TMBIM1: variants seen among roughly 807,000 people sequenced by gnomAD.
TMBIM1 encodes transmembrane BAX inhibitor motif containing 1.
TMBIM1 carries 34 observed loss-of-function variants against 45.1 expected under a neutral mutation model. The ratio of observed to expected loss-of-function variants is 0.75; its 90% CI spans 0.57 to 1.00. The LOEUF (loss-of-function observed/expected upper bound fraction) is 1.00. Among genes scored for constraint, TMBIM1 ranks in the 50% least tolerant of loss-of-function variants. The pLI is 0.00. For missense variants in TMBIM1, 374 were observed against 402.4 expected (o/e 0.93, Z 0.60); for synonymous variants, 157 against 153.5 (o/e 1.02, Z -0.17).
chr2:218,275,265 G>A lies in TMBIM1; in HGVS notation c.*210C>T. On this transcript the variant is annotated 3_prime_UTR_variant, in exon 12 of 12. Transcript: ENST00000258412. ...GCCTAGTCCCTGCCAAGCCCACCAAGAGCAACAGTTAGTCCCTAGCTCCTC... is the reference window on the plus strand; with the variant it reads ...GCCTAGTCCCTGCCAAGCCCACCAAAAGCAACAGTTAGTCCCTAGCTCCTC... 1.9e-6 allele frequency: 1 copy of A among 528,274 alleles called. No homozygotes were observed. Among genetic ancestry groups the A allele is most frequent in the Non-Finnish European group, 3.1e-6 (1 of 320,878 alleles). The allele number at this position is 528,274 out of a possible 1,614,324, so 32.7% of individuals were successfully genotyped here. A position where few individuals can be genotyped will look rare whatever the true frequency, so the allele number is the denominator to read the frequency against.
chr2:218,286,580 G>A (rs1337903378), intron 1 of TMBIM1: 2 of 152,212 alleles, frequency 1.3e-5, no homozygotes, highest in Non-Finnish European at 1.5e-5. Flanking sequence ...CAGACAGCAG[G>A]ACTTGCTGGG....
chr2:218,288,301 C>T (rs758512548), intron 1 of TMBIM1, among the ~76,000 whole-genome samples: 8 of 152,238 alleles, frequency 5.3e-5, no homozygotes, highest in Middle Eastern at 3.4e-3. Flanking sequence ...TGGTGGCGGA[C>T]GCCTGTAGTC....
In TMBIM1 at chr2:218,277,453, A is replaced by G. The variant is rs961378080; in HGVS notation, c.552T>C (p.Ser184=). 2.3e-5 allele frequency: 37 copies of G among 1,613,982 alleles called. No individual in the cohort carries two copies. The highest frequency in any genetic ancestry group is 3.1e-5 in the Non-Finnish European group (36 of 1,179,996). ...AMGFMTGTIS[S]MYQTKAVIIA... ...TGATGACGGCTTTGGTTTGGTACAT[A>G]CTGGGGAGAAGCAGGAGTTACAGAC... Residue 184 remains serine (S), a splice_region_variant and synonymous_variant, in exon 9 of 12, where the codon AGT becomes AGC. Coordinates refer to ENST00000258412, the MANE Select transcript of TMBIM1 (RefSeq NM_022152.6).
chr2:218,279,375 T>A (rs1394046909), intron 3 of TMBIM1, 22 bp from the exon 4 acceptor site: 2 of 1,539,126 alleles, frequency 1.3e-6, no homozygotes, highest in Admixed American at 2.1e-5. Flanking sequence ...CGGCCGGGCA[T>A]GGGTCACCAT....
chr2:218,281,231 T>C (rs910855855), intron 2 of TMBIM1, among the ~76,000 whole-genome samples: 8 of 140,032 alleles, frequency 5.7e-5, no homozygotes, highest in African/African-American at 2.1e-4. Flanking sequence ...CCTCCTGGGA[T>C]TGCAAGCGAT....
In TMBIM1 at chr2:218,282,201, A is replaced by G; in HGVS notation, c.-40-20T>C. On this transcript the variant is annotated intron_variant, in intron 1 of 11. Coordinates refer to ENST00000258412, the MANE Select transcript of TMBIM1 (RefSeq NM_022152.6). ...TGGGACCTGAAATGGGAGAGGAGAA[A>G]AGCAATCGTGAATGCCCAGGCCCAG... 1.5e-6 allele frequency: 2 copies of G among 1,340,008 alleles called. No individual in the cohort carries two copies. The highest frequency in any genetic ancestry group is 1.6e-5 in the South Asian group (1 of 61,606). 83.0% of individuals were successfully genotyped at this position (1,340,008 alleles called of 1,614,324 possible).
At chr2:218,277,876 C>T in intron 7 of TMBIM1, 59 bp downstream of exon 7, 1 of 1,610,126 alleles carries the variant, frequency 6.2e-7, no homozygotes, top group Non-Finnish European at 8.5e-7. Context: ...CCATCCCTTC[C>T]CTGGGAGCAG....
chr2:218,279,072 C>A lies in TMBIM1; in HGVS notation c.388G>T (p.Val130Leu), dbSNP rs751465717. The change falls in exon 5 of 12, where the codon GTG becomes TTG. Residue 130 changes from valine to leucine, a missense_variant. Physicochemically the swap from Val to Leu is conservative, Grantham distance 32. Coordinates refer to ENST00000258412, the MANE Select transcript of TMBIM1 (RefSeq NM_022152.6). The part of the protein sequence containing the change: ...FTFVEPVSAF[V>L]RRNVAVYYVS... ...TAGTAGACAGCCACATTTCTCCTCA[C>A]AAAGGCGCTGACAGGTTCCCTGTGG... The A allele has an allele frequency of 6.2e-7, 1 of 1,614,168 alleles. No homozygotes were observed. The highest frequency in any genetic ancestry group is 8.5e-7 in the Non-Finnish European group (1 of 1,180,018).
intron 7 of TMBIM1, 41 bp downstream of exon 7, chr2:218,277,894 C>CA (rs1691404357): frequency 6.2e-7 from 1 of 1,613,526 alleles, no homozygotes; most frequent in Non-Finnish European, 8.5e-7. Flanking sequence ...CAGTCTCCCT[C>CA]ACAGCATCTC....
At chr2:218,288,257 T>C (rs541087626) in intron 1 of TMBIM1, among the ~76,000 whole-genome samples, 1 of 152,102 alleles carries the variant, frequency 6.6e-6, no homozygotes, top group African/African-American at 2.4e-5. Context: ...TGAAACCCCA[T>C]CTCTACTAAA....
intron 5 of TMBIM1, 137 bp from the exon 6 acceptor site, chr2:218,278,702 G>C: frequency 1.1e-6 from 1 of 944,862 alleles, no homozygotes; most frequent in Non-Finnish European, 1.7e-6. Flanking sequence ...GCAAGAACGA[G>C]ATTACCCCCA....
intron 7 of TMBIM1, 104 bp downstream of exon 7, chr2:218,277,831 A>G (rs2106193952): frequency 6.4e-7 from 1 of 1,562,916 alleles, no homozygotes; most frequent in Non-Finnish European, 8.8e-7. Context: ...GATAAGGTGG[A>G]GGAGACAGCC....
rs764579398 is a variant in TMBIM1 at position 218,277,947 on chromosome 2, C to T, written c.501G>A (p.Leu167=). The T allele has an allele frequency of 6.2e-7, 1 of 1,614,198 alleles. No individual in the cohort carries two copies. ...CTTCTAGACTTACAAAAAGGGTCAG[C>T]AGAATGATGTTCCATGGGAAACGGC... is the stretch of plus-strand genomic sequence containing the variant. ...PRRRFPWNII[L]LTLFTFAMGF... Residue 167 remains leucine (L), a synonymous_variant, in exon 7 of 12, where the codon CTG becomes CTA. Coordinates refer to ENST00000258412, the MANE Select transcript of TMBIM1 (RefSeq NM_022152.6).
chr2:218,277,161 G>A, intron 9 of TMBIM1, 62 bp from the exon 10 acceptor site: 1 of 1,460,040 alleles, frequency 6.8e-7, no homozygotes, highest in Non-Finnish European at 9.6e-7. Flanking sequence ...CAGTCAGACT[G>A]GCCCTGCCAG....
chr2:218,277,225 G>T, intron 9 of TMBIM1, 126 bp from the exon 10 acceptor site: 1 of 1,156,462 alleles, frequency 8.6e-7, no homozygotes, highest in Non-Finnish European at 1.3e-6. Flanking sequence ...ACATTCTAAG[G>T]ACAGAAACAG....
At position 218,280,024 on chromosome 2, in the gene TMBIM1, A is replaced by C; in HGVS notation, c.303+2T>G. 6.8e-6 allele frequency: 11 copies of C among 1,613,758 alleles called. No individual in the cohort carries two copies. The highest frequency in any genetic ancestry group is 8.5e-6 in the Non-Finnish European group (10 of 1,179,718). The stretch of plus-strand genomic sequence containing the variant: ...ACACCCACCTCCCAGCGCGTATCTT[A>C]CCTTTCGGATAAAAGTGTGTCGCAC... On this transcript the variant is annotated splice_donor_variant, in intron 3 of 11. Transcript: ENST00000258412. LOFTEE classifies it high-confidence loss of function.
chr2:218,280,030 C>G lies in TMBIM1; in HGVS notation c.299G>C (p.Arg100Pro). The G allele has an allele frequency of 6.2e-7, 1 of 1,613,930 alleles. No individual in the cohort carries two copies. Among genetic ancestry groups the G allele is most frequent in the Non-Finnish European group, 8.5e-7 (1 of 1,179,804 alleles). The change falls in exon 3 of 12, where the codon CGA becomes CCA. Residue 100 changes from arginine to proline, a missense_variant. Transcript: ENST00000258412. Reference protein sequence around the residue: ...DDRKVRHTFIRKVYSIISVQL... With the variant: ...DDRKVRHTFIPKVYSIISVQL... ...ACCTCCCAGCGCGTATCTTACCTTT[C>G]GGATAAAAGTGTGTCGCACTTTCCG...
At chr2:218,276,351 A>G (rs978999678) in intron 10 of TMBIM1, among the ~76,000 whole-genome samples, 7 of 152,216 alleles carry the variant, frequency 4.6e-5, no homozygotes, top group Non-Finnish European at 8.8e-5. Context: ...CTAGAAAAAA[A>G]GCAGTTGAGT....
In TMBIM1 at chr2:218,283,420, C is replaced by T. The variant is rs1024440512; in HGVS notation, c.-40-1239G>A. ...TACTGTCCTCTGGGCCTGGTGGTCC[C>T]CTCTGAGGTAGCAGAGATGCAGGCT... On this transcript the variant is annotated intron_variant, in intron 1 of 11. Coordinates refer to ENST00000258412, the MANE Select transcript of TMBIM1 (RefSeq NM_022152.6). 4.6e-5 allele frequency among the ~76,000 whole-genome samples: 7 copies of T among 152,282 alleles called. No homozygotes were observed. The East Asian group carries it at 1.4e-3, about 29-fold the overall frequency.
Sources: gnomAD v4.1 joint callset for allele counts (sites outside exome capture counted in the v4.1 genomes callset) on GRCh38, gnomAD v4.1.1 for gene constraint, MANE v1.5 for transcripts, NCBI Gene and HGNC (gene_info 2026-07-23, HGNC 2026-07-21) for gene names.